The following ADAMTS12 variants were observed in gnomAD, a reference collection of about 807,000 sequenced individuals.
ADAMTS12 encodes A disintegrin and metalloproteinase with thrombospondin motifs 12.
In ADAMTS12, 118 loss-of-function variants were observed where a neutral mutation model predicts 167.8. The ratio of observed to expected loss-of-function variants is 0.70; its 90% CI spans 0.61 to 0.82. The LOEUF is 0.82. Among genes scored for constraint, ADAMTS12 ranks in the 40% least tolerant of loss-of-function variants. The pLI is 0.00. For synonymous variants in ADAMTS12, 704 were observed against 716.9 expected (o/e 0.98, Z 0.29); for missense variants, 1,916 against 1,998.8 (o/e 0.96, Z 0.79).
chr5:33,549,138 T>G (rs565701255), intron 21 of ADAMTS12, 69 bp downstream of exon 21: 2 of 1,548,574 alleles, frequency 1.3e-6, no homozygotes, highest in Non-Finnish European at 1.8e-6. Flanking sequence ...TCTACACTTA[T>G]GCAGTAACAC....
chr5:33,679,416 A>T (rs1366186553), intron 5 of ADAMTS12, among the ~76,000 whole-genome samples: 2 of 152,082 alleles, frequency 1.3e-5, no homozygotes, highest in Admixed American at 1.3e-4. Flanking sequence ...GTGGAAGGTG[A>T]AGGGGAAGCA....
chr5:33,765,183 G>A (rs893909292), intron 2 of ADAMTS12, among the ~76,000 whole-genome samples: 2 of 152,254 alleles, frequency 1.3e-5, no homozygotes, highest in Middle Eastern at 3.4e-3. Context: ...TGCCACCTTT[G>A]ATTTCTAATA....
intron 5 of ADAMTS12, among the ~76,000 whole-genome samples, chr5:33,667,422 G>A (rs150856066): frequency 4.6e-4 from 70 of 151,888 alleles, no homozygotes; most frequent in Non-Finnish European, 9.1e-4. Flanking sequence ...GGTTGCAACT[G>A]GTTACACCAT....
chr5:33,683,358 A>T (rs947944137), intron 4 of ADAMTS12, among the ~76,000 whole-genome samples: 2 of 152,120 alleles, frequency 1.3e-5, no homozygotes, highest in African/African-American at 2.4e-5. Context: ...AGCCCACAGT[A>T]TTCTCCTCTT....
chr5:33,772,238 A>G (rs1745765107), intron 2 of ADAMTS12, among the ~76,000 whole-genome samples: 1 of 152,150 alleles, frequency 6.6e-6, no homozygotes, highest in Non-Finnish European at 1.5e-5. Context: ...AAGAGCTACC[A>G]TAAGTAATTC....
chr5:33,657,636 T>C (rs1266687907), intron 7 of ADAMTS12, among the ~76,000 whole-genome samples: 1 of 152,190 alleles, frequency 6.6e-6, no homozygotes, highest in African/African-American at 2.4e-5. Flanking sequence ...GGTGTTCACA[T>C]TATAGTCTTT....
intron 9 of ADAMTS12, among the ~76,000 whole-genome samples, chr5:33,645,559 A>T (rs1451888579): frequency 6.6e-6 from 1 of 152,140 alleles, no homozygotes; most frequent in Non-Finnish European, 1.5e-5. Context: ...GTTCATGCTT[A>T]TCACTCCCCC....
At chr5:33,588,890 GA>G in intron 17 of ADAMTS12, 81 bp from the exon 18 acceptor site, 2 of 1,530,048 alleles carry the variant, frequency 1.3e-6, no homozygotes, top group Non-Finnish European at 1.8e-6. Context: ...AGCAGGGGCA[GA>G]AATGCAGATC....
intron 2 of ADAMTS12, among the ~76,000 whole-genome samples, chr5:33,793,021 G>T (rs1746635935): frequency 6.6e-6 from 1 of 152,202 alleles, no homozygotes; most frequent in Non-Finnish European, 1.5e-5. Flanking sequence ...TGGGAACCAG[G>T]CTTAGTGTCC....
At chr5:33,618,703 A>C (rs889982668) in intron 14 of ADAMTS12, among the ~76,000 whole-genome samples, 1 of 152,176 alleles carries the variant, frequency 6.6e-6, no homozygotes. Context: ...TCCAAAATCC[A>C]TATCTTGAAA....
chr5:33,627,345 A>AGTGATGGTG (rs988316900), intron 13 of ADAMTS12, among the ~76,000 whole-genome samples: 1 of 126,422 alleles, frequency 7.9e-6, no homozygotes, highest in Non-Finnish European at 1.7e-5. Context: ...AAGTGATGGT[A>AGTGATGGTG]GTGATGGTGG....
Position 33,684,050 on chromosome 5 carries a change from C to T in ADAMTS12, c.640G>A (p.Val214Ile), listed in dbSNP as rs767788740. The T allele has an allele frequency of 3.1e-6, 5 of 1,588,910 alleles. No homozygotes were observed. The highest frequency in any genetic ancestry group is 3.4e-6 in the Non-Finnish European group (4 of 1,167,938). ...KEPTCGLKDSVNISQKQELWR... is the reference protein window; with the variant it reads ...KEPTCGLKDSINISQKQELWR... ...AGCTCTTGCTTCTGGGAGATGTTAA[C>T]ACTGTCTAAACAGTAAACAGAAGAC... Residue 214 changes from valine (V) to isoleucine (I), a missense_variant, in exon 4 of 24, where the codon GTT becomes ATT. By Grantham distance (29) the Val-to-Ile change is conservative. Coordinates refer to ENST00000504830, the MANE Select transcript of ADAMTS12 (RefSeq NM_030955.4).
chr5:33,702,086 G>A lies in ADAMTS12; in HGVS notation c.635-18031C>T, dbSNP rs182686331. The stretch of plus-strand genomic sequence containing the variant: ...AAGTCTCCAACCCATCCCACCGAAG[G>A]AGAGTGTTACTAACACAGCACTAAA... On this transcript the variant is annotated intron_variant, in intron 3 of 23. Transcript: ENST00000504830. 7.7e-4 allele frequency among the ~76,000 whole-genome samples: 117 copies of A among 152,238 alleles called. 1 individual carries two copies. Among genetic ancestry groups the A allele is most frequent in the African/African-American group, 2.8e-3 (117 of 41,524 alleles).
At chr5:33,650,933 CCT>C (rs1740847072) in intron 7 of ADAMTS12, among the ~76,000 whole-genome samples, 1 of 152,166 alleles carries the variant, frequency 6.6e-6, no homozygotes, top group Non-Finnish European at 1.5e-5. Flanking sequence ...TTTAATGAAA[CCT>C]TCTGATCAGT....
intron 3 of ADAMTS12, among the ~76,000 whole-genome samples, chr5:33,704,992 A>T (rs894729562): frequency 3.3e-5 from 5 of 151,520 alleles, no homozygotes; most frequent in Admixed American, 3.3e-4. Flanking sequence ...TTTTGTATAT[A>T]GTGTGAGGTA....
chr5:33,700,762 G>A (rs1468600874), intron 3 of ADAMTS12, among the ~76,000 whole-genome samples: 42 of 152,192 alleles, frequency 2.8e-4, no homozygotes. Flanking sequence ...TTGTACTGTT[G>A]TTTTAAAAGA....
At chr5:33,727,047 G>A (rs1744006450) in intron 3 of ADAMTS12, among the ~76,000 whole-genome samples, 1 of 152,082 alleles carries the variant, frequency 6.6e-6, no homozygotes, top group Admixed American at 6.6e-5. Context: ...CCTCCAGCAG[G>A]CTCTCACAAA....
intron 3 of ADAMTS12, among the ~76,000 whole-genome samples, chr5:33,695,389 T>C (rs1368460660): frequency 2.0e-5 from 3 of 152,168 alleles, no homozygotes; most frequent in African/African-American, 7.2e-5. Context: ...GGGGAATAAA[T>C]AGAGACAGAG....
intron 2 of ADAMTS12, among the ~76,000 whole-genome samples, chr5:33,782,266 C>T (rs549367758): frequency 1.8e-4 from 28 of 151,744 alleles, no homozygotes; most frequent in Admixed American, 9.9e-4. Flanking sequence ...TTATTATATA[C>T]TACCGAACAA....
Sources: gnomAD v4.1 joint callset for allele counts (sites outside exome capture counted in the v4.1 genomes callset) on GRCh38, gnomAD v4.1.1 for gene constraint, MANE v1.5 for transcripts, NCBI Gene and HGNC (gene_info 2026-07-23, HGNC 2026-07-21) for gene names.